The following ANGPT1 variants were observed in gnomAD, a reference collection of about 807,000 sequenced individuals.
ANGPT1 encodes the protein angiopoietin 1, also known as angiopoietin-1.
A neutral mutation model predicts 62.2 loss-of-function variants in ANGPT1; 17 were observed. The ratio of observed to expected loss-of-function variants is 0.27; its 90% CI spans 0.19 to 0.41. The LOEUF (loss-of-function observed/expected upper bound fraction) is 0.41. ANGPT1 is among the 10% of genes least tolerant of loss of function. ANGPT1 has a pLI of 1.00. For missense variants in ANGPT1, 478 were observed against 594.9 expected (o/e 0.80, Z 2.04); for synonymous variants, 199 against 198.9 (o/e 1.00, Z 0.00).
At position 107,459,489 on chromosome 8, in the gene ANGPT1, A is replaced by AAAC. The variant is rs139781448; in HGVS notation, c.297+37770_297+37772dup. Among the ~76,000 whole-genome samples, 1,350 of 150,068 alleles carry AAAC rather than the reference A, an allele frequency of 9.0e-3. 5 individuals carry two copies. The highest frequency in any genetic ancestry group is 0.014 in the African/African-American group (556 of 40,796). ...GGGCAAGTGAGTGAGACTCCTTATC[A>AAAC]AACAACAACAACAACAACAACAACA... On this transcript the variant is annotated intron_variant, in intron 1 of 8. Transcript: ENST00000517746.
At chr8:107,302,316 G>T (rs910396104) in intron 5 of ANGPT1, among the ~76,000 whole-genome samples, 5 of 151,832 alleles carry the variant, frequency 3.3e-5, no homozygotes, top group Non-Finnish European at 5.9e-5. Context: ...GTTTTATCCT[G>T]TAAGGGCATG....
chr8:107,316,413 CA>C (rs1458816614), intron 4 of ANGPT1, among the ~76,000 whole-genome samples: 1 of 152,176 alleles, frequency 6.6e-6, no homozygotes, highest in Admixed American at 6.5e-5. Flanking sequence ...GCTTACCTTT[CA>C]TATAGAGTTG....
intron 1 of ANGPT1, among the ~76,000 whole-genome samples, chr8:107,357,612 T>C: frequency 6.6e-6 from 1 of 152,248 alleles, no homozygotes; most frequent in South Asian, 2.1e-4. Context: ...CACTTACTTC[T>C]CCTCTGACAA....
At chr8:107,454,677 T>C (rs1444435253) in intron 1 of ANGPT1, among the ~76,000 whole-genome samples, 1 of 152,080 alleles carries the variant, frequency 6.6e-6, no homozygotes, top group African/African-American at 2.4e-5. Flanking sequence ...TATTCATAAA[T>C]GCCGACTTGA....
At chr8:107,394,546 G>A (rs377174025) in intron 1 of ANGPT1, among the ~76,000 whole-genome samples, 2 of 152,100 alleles carry the variant, frequency 1.3e-5, no homozygotes, top group Non-Finnish European at 2.9e-5. Context: ...TGGGGGGAGG[G>A]AAGGAGACTA....
chr8:107,323,224 A>G (rs894136602), intron 3 of ANGPT1, among the ~76,000 whole-genome samples: 2 of 152,204 alleles, frequency 1.3e-5, no homozygotes, highest in African/African-American at 4.8e-5. Flanking sequence ...CTGGAAATAA[A>G]AAGCATTAAC....
rs573954174 is a variant in ANGPT1 at position 107,354,172 on chromosome 8, C to T, written c.298-7075G>A. On this transcript the variant is annotated intron_variant, in intron 1 of 8. Coordinates refer to ENST00000517746, the MANE Select transcript of ANGPT1 (RefSeq NM_001146.5). Reference sequence around the variant, plus strand: ...TCTCTCTTTGCATAAGCGAATGTCTCCTGTGCCAAAACACATTTTACTAAC... The same window carrying T: ...TCTCTCTTTGCATAAGCGAATGTCTTCTGTGCCAAAACACATTTTACTAAC... Among the ~76,000 whole-genome samples the T allele has an allele frequency of 6.6e-4, 101 of 152,276 alleles. 1 individual carries two copies. Among genetic ancestry groups the T allele is most frequent in the Non-Finnish European group, 8.7e-4 (59 of 68,022 alleles).
chr8:107,347,698 T>C (rs145092959), intron 1 of ANGPT1, among the ~76,000 whole-genome samples: 17 of 152,248 alleles, frequency 1.1e-4, no homozygotes, highest in African/African-American at 4.1e-4. Flanking sequence ...TATTAAAATA[T>C]AGGCAATGAT....
chr8:107,433,906 C>A (rs1011352573), intron 1 of ANGPT1, among the ~76,000 whole-genome samples: 1 of 152,150 alleles, frequency 6.6e-6, no homozygotes, highest in South Asian at 2.1e-4. Flanking sequence ...CACCCACACA[C>A]AAATTTATAA....
chr8:107,464,314 T>A (rs567774592), intron 1 of ANGPT1, among the ~76,000 whole-genome samples: 57 of 152,156 alleles, frequency 3.7e-4, no homozygotes, highest in Non-Finnish European at 6.3e-4. Context: ...CCTCTATGCA[T>A]CATGGTTTTT....
chr8:107,476,074 C>T (rs1812518267), intron 1 of ANGPT1, among the ~76,000 whole-genome samples: 1 of 152,184 alleles, frequency 6.6e-6, no homozygotes, highest in African/African-American at 2.4e-5. Context: ...ACCCAGCTAT[C>T]CCATTACTGG....
At chr8:107,346,899 A>AT (rs777044540) in intron 2 of ANGPT1, 43 bp downstream of exon 2, 1 of 1,534,344 alleles carries the variant, frequency 6.5e-7, no homozygotes, top group Non-Finnish European at 8.8e-7. Context: ...GAAAAAAAAA[A>AT]TTTTTCCTTG....
chr8:107,256,948 T>A (rs1253838543), intron 8 of ANGPT1, among the ~76,000 whole-genome samples: 2 of 151,994 alleles, frequency 1.3e-5, no homozygotes, highest in Admixed American at 6.6e-5. Flanking sequence ...CCTCCGCCTC[T>A]CGGGTTCAAG....
chr8:107,296,007 A>C (rs1033921250), intron 5 of ANGPT1, among the ~76,000 whole-genome samples: 1 of 152,170 alleles, frequency 6.6e-6, no homozygotes, highest in East Asian at 1.9e-4. Context: ...GATTATACTC[A>C]ACAATAAGCT....
intron 1 of ANGPT1, among the ~76,000 whole-genome samples, chr8:107,493,169 T>C (rs2130545566): frequency 6.6e-6 from 1 of 150,576 alleles, no homozygotes; most frequent in South Asian, 2.2e-4. Context: ...TTAATGAACA[T>C]GTTCAGAGGT....
intron 1 of ANGPT1, among the ~76,000 whole-genome samples, chr8:107,447,342 A>AAAT (rs1244245530): frequency 6.6e-6 from 1 of 152,210 alleles, no homozygotes; most frequent in East Asian, 1.9e-4. Context: ...CCAACTCATT[A>AAAT]TTCCCTCTAT....
intron 5 of ANGPT1, among the ~76,000 whole-genome samples, chr8:107,295,711 G>A (rs1814396595): frequency 6.6e-6 from 1 of 152,030 alleles, no homozygotes; most frequent in Non-Finnish European, 1.5e-5. Context: ...TCGTAGTTTT[G>A]GACACCTTAG....
intron 1 of ANGPT1, among the ~76,000 whole-genome samples, chr8:107,349,190 G>T (rs868723400): frequency 7.3e-5 from 11 of 150,484 alleles, no homozygotes; most frequent in African/African-American, 2.4e-4. Context: ...ATAGACACTT[G>T]GATGCATAGA....
chr8:107,432,453 A>G (rs1338873090), intron 1 of ANGPT1, among the ~76,000 whole-genome samples: 2 of 152,158 alleles, frequency 1.3e-5, no homozygotes, highest in Admixed American at 6.5e-5. Flanking sequence ...TCACGAGGTC[A>G]GGAGATCGAG....
Sources: gnomAD v4.1 joint callset for allele counts (sites outside exome capture counted in the v4.1 genomes callset) on GRCh38, gnomAD v4.1.1 for gene constraint, MANE v1.5 for transcripts, NCBI Gene and HGNC (gene_info 2026-07-23, HGNC 2026-07-21) for gene names.